Variants in GABBR2 observed in about 807,000 individuals in gnomAD.
GABBR2 encodes gamma-aminobutyric acid type B receptor subunit 2.
GABBR2 carries 23 observed loss-of-function variants against 105.6 expected under a neutral mutation model. The ratio of observed to expected loss-of-function variants is 0.22; its 90% CI spans 0.16 to 0.31. GABBR2 has a LOEUF of 0.31. Ranked by LOEUF, GABBR2 falls within the 10% of genes least tolerant of loss-of-function variation. The pLI, the probability that GABBR2 is intolerant of heterozygous loss-of-function variation, is 1.00. For missense variants in GABBR2, 734 were observed against 1,245.5 expected (o/e 0.59, Z 6.18); for synonymous variants, 478 against 499.7 (o/e 0.96, Z 0.58).
At chr9:98,676,238 T>A (rs562666964) in intron 1 of GABBR2, among the ~76,000 whole-genome samples, 2 of 152,342 alleles carry the variant, frequency 1.3e-5, no homozygotes, top group African/African-American at 4.8e-5. Flanking sequence ...GCAGGTGACC[T>A]CGAGAAGTTG....
At position 98,545,948 on chromosome 9, in the gene GABBR2, A is replaced by G. The variant is rs893013695; in HGVS notation, c.460-3905T>C. 3.9e-5 allele frequency among the ~76,000 whole-genome samples: 6 copies of G among 152,338 alleles called. No homozygotes were observed. The East Asian group carries it at 5.8e-4, about 15-fold the overall frequency. On this transcript the variant is annotated intron_variant, in intron 2 of 18. Coordinates refer to ENST00000259455, the MANE Select transcript of GABBR2 (RefSeq NM_005458.8). ...TCTGAGCTCTCCTGCCTTGTTTCGC[A>G]TAACCAAGTTTGTTTCTGAACAGAT...
chr9:98,293,166 T>C (rs1489877610), intron 18 of GABBR2, among the ~76,000 whole-genome samples: 2 of 152,200 alleles, frequency 1.3e-5, no homozygotes, highest in African/African-American at 2.4e-5. Context: ...TGGGAAGGCC[T>C]AAAATTGCCT....
At chr9:98,414,307 T>C (rs568102763) in intron 7 of GABBR2, among the ~76,000 whole-genome samples, 2 of 152,146 alleles carry the variant, frequency 1.3e-5, no homozygotes, top group East Asian at 3.9e-4. Context: ...AGGGGGAGAA[T>C]ATCCTGGAAG....
chr9:98,407,151 T>C lies in GABBR2; in HGVS notation c.1237-1010A>G, dbSNP rs117392694. 4.2e-4 allele frequency among the ~76,000 whole-genome samples: 64 copies of C among 152,352 alleles called. No individual in the cohort carries two copies. The East Asian group carries it at 8.3e-3, about 20-fold the overall frequency. ...TCCTGTCTTTTCATTATTGTGAAATTAGGAAAAGAAATGGTTTTAAAGGTA... is the reference window on the plus strand; with the variant it reads ...TCCTGTCTTTTCATTATTGTGAAATCAGGAAAAGAAATGGTTTTAAAGGTA... On this transcript the variant is annotated intron_variant, in intron 7 of 18. Transcript: ENST00000259455.
intron 1 of GABBR2, among the ~76,000 whole-genome samples, chr9:98,585,256 G>A (rs193238818): frequency 6.6e-4 from 100 of 152,058 alleles, no homozygotes; most frequent in African/African-American, 2.3e-3. Context: ...GTCCAACAAC[G>A]ATAGACTGGA....
Position 98,347,650 on chromosome 9 carries a change from A to G in GABBR2, c.1893+15065T>C, listed in dbSNP as rs140342794. On this transcript the variant is annotated intron_variant, in intron 13 of 18. Coordinates refer to ENST00000259455, the MANE Select transcript of GABBR2 (RefSeq NM_005458.8). ...TTGTAGCCATAAAATCTTTGCTTAA[A>G]CCAATGTTTTGAAGCATTTCCCCTA... 2.5e-3 allele frequency among the ~76,000 whole-genome samples: 387 copies of G among 152,240 alleles called. 1 individual carries two copies. The highest frequency in any genetic ancestry group is 8.7e-3 in the African/African-American group (362 of 41,540).
intron 2 of GABBR2, among the ~76,000 whole-genome samples, chr9:98,568,335 T>A (rs1184502326): frequency 1.3e-5 from 2 of 152,170 alleles, no homozygotes; most frequent in African/African-American, 4.8e-5. Flanking sequence ...ATGATGACAC[T>A]GTGGTGTAGA....
At position 98,447,537 on chromosome 9, in the gene GABBR2, ATGTGTGTGTGTG is replaced by A. The variant is rs58069151; in HGVS notation, c.1236+6432_1236+6443del. On this transcript the variant is annotated intron_variant, in intron 7 of 18. Transcript: ENST00000259455. ...ACAAGATGATATGTAACTAGTATGT[ATGTGTGTGTGTG>A]TGTGTGTGTGTGTGTGTGTGTGTGT... Among the ~76,000 whole-genome samples the A allele has an allele frequency of 3.5e-4, 50 of 142,512 alleles. No homozygotes were observed. The East Asian group carries it at 3.9e-3, about 11-fold the overall frequency. 93.5% of individuals were successfully genotyped at this position (142,512 alleles called of 152,430 possible).
At chr9:98,292,832 T>C (rs374072725) in intron 18 of GABBR2, among the ~76,000 whole-genome samples, 15 of 152,320 alleles carry the variant, frequency 9.8e-5, no homozygotes, top group East Asian at 7.7e-4. Flanking sequence ...AAGAACCTAT[T>C]CACTGGCAGA....
At chr9:98,350,264 T>C (rs590606) in intron 13 of GABBR2, among the ~76,000 whole-genome samples, 6,492 of 151,890 alleles carry the variant, frequency 0.043, 197 homozygotes, top group South Asian at 0.079. Context: ...CTGATATTTA[T>C]TTCTTTCCTT....
intron 1 of GABBR2, among the ~76,000 whole-genome samples, chr9:98,686,842 C>T (rs1830627160): frequency 6.6e-6 from 1 of 152,112 alleles, no homozygotes; most frequent in Non-Finnish European, 1.5e-5. Context: ...CTCCCTGTCA[C>T]CCCCACAACC....
chr9:98,555,428 T>G (rs1306994474), intron 2 of GABBR2, among the ~76,000 whole-genome samples: 1 of 152,240 alleles, frequency 6.6e-6, no homozygotes. Flanking sequence ...TGTCTAATTG[T>G]GTACAATTAG....
chr9:98,414,062 A>G (rs1832640256), intron 7 of GABBR2, among the ~76,000 whole-genome samples: 1 of 152,262 alleles, frequency 6.6e-6, no homozygotes, highest in Non-Finnish European at 1.5e-5. Flanking sequence ...AGCAAAATCA[A>G]CATGGTCCTA....
chr9:98,292,858 A>T (rs1830322783), intron 18 of GABBR2, among the ~76,000 whole-genome samples: 1 of 152,216 alleles, frequency 6.6e-6, no homozygotes, highest in Non-Finnish European at 1.5e-5. Flanking sequence ...TGTTCGGTGC[A>T]GGGGACACAT....
At chr9:98,545,879 A>G (rs963198886) in intron 2 of GABBR2, among the ~76,000 whole-genome samples, 7 of 152,138 alleles carry the variant, frequency 4.6e-5, no homozygotes, top group Non-Finnish European at 5.9e-5. Context: ...ATCTGGCATC[A>G]CCAGGGCTGT....
intron 13 of GABBR2, among the ~76,000 whole-genome samples, chr9:98,339,284 CAAAAAA>C (rs9299286): frequency 0.36 from 48,721 of 133,676 alleles, 8,224 homozygotes; most frequent in East Asian, 0.52. Flanking sequence ...AATTATATCT[CAAAAAA>C]AAAAAAAAAA....
chr9:98,311,115 C>T lies in GABBR2; in HGVS notation c.1984G>A (p.Ala662Thr), dbSNP rs760348361. 6.2e-7 allele frequency: 1 copy of T among 1,603,468 alleles called. No individual in the cohort carries two copies. Among genetic ancestry groups the T allele is most frequent in the Non-Finnish European group, 8.5e-7 (1 of 1,170,312 alleles). Residue 662 changes from alanine to threonine, a missense_variant, in exon 14 of 19, where the codon GCC becomes ACC. This residue lies in a region of GABBR2 where 52 missense variants were observed against 81.3 expected (regional missense o/e 0.64). Transcript: ENST00000259455. ...HMTIWLGIVY[A>T]YKGLLMLFGC... ...CCTACCATGAGAAGTCCCTTGTAGG[C>T]ATAGACGATGCCAAGCCAGATGGTC... is the stretch of plus-strand genomic sequence containing the variant.
At chr9:98,429,025 T>G (rs576252448) in intron 7 of GABBR2, among the ~76,000 whole-genome samples, 1 of 152,286 alleles carries the variant, frequency 6.6e-6, no homozygotes, top group African/African-American at 2.4e-5. Context: ...ATTGATTTCA[T>G]TTTACAGAGG....
intron 4 of GABBR2, among the ~76,000 whole-genome samples, chr9:98,482,175 C>A (rs1035195247): frequency 2.0e-5 from 3 of 152,192 alleles, no homozygotes; most frequent in Admixed American, 2.0e-4. Context: ...CCCTTTGATG[C>A]ATAAAGTAGA....
Sources: allele counts gnomAD v4.1 joint callset (sites outside exome capture counted in the v4.1 genomes callset), GRCh38; gene constraint gnomAD v4.1.1; regional missense constraint gnomAD v4.1.1; transcripts MANE v1.5; gene names NCBI Gene and HGNC (gene_info 2026-07-23, HGNC 2026-07-21).